SNTG1: variants seen among roughly 807,000 people sequenced by gnomAD.
The protein encoded by SNTG1 is syntrophin gamma 1.
SNTG1 carries 39 observed loss-of-function variants against 74.7 expected under a neutral mutation model. The observed-to-expected ratio is 0.52, with a 90% CI of 0.40 to 0.68. The LOEUF is 0.68. Ranked by LOEUF, SNTG1 falls within the 30% of genes least tolerant of loss-of-function variation. SNTG1 has a pLI of 0.00. For missense variants in SNTG1, 685 were observed against 609.5 expected, an observed-to-expected ratio of 1.12 and a Z score of -1.30; for synonymous variants, 254 against 217.1, an observed-to-expected ratio of 1.17 and a Z score of -1.49.
At chr8:49,975,611 T>C (rs1266192311) in intron 1 of SNTG1, among the ~76,000 whole-genome samples, 1 of 152,130 alleles carries the variant, frequency 6.6e-6, no homozygotes, top group Non-Finnish European at 1.5e-5. Context: ...ACTTGCAAGA[T>C]AGCTCTCCAA....
chr8:49,999,909 T>C (rs541219996), intron 1 of SNTG1, among the ~76,000 whole-genome samples: 3 of 152,296 alleles, frequency 2.0e-5, no homozygotes, highest in East Asian at 1.9e-4. Context: ...TGATTTTTTG[T>C]CCCCTCTATT....
intron 1 of SNTG1, among the ~76,000 whole-genome samples, chr8:49,936,834 A>G (rs1034948159): frequency 6.6e-5 from 10 of 152,212 alleles, no homozygotes; most frequent in Non-Finnish European, 1.5e-4. Context: ...TGATACATGC[A>G]TCAACCTAGA....
chr8:50,049,739 T>C (rs1297435373), intron 1 of SNTG1, among the ~76,000 whole-genome samples: 1 of 151,990 alleles, frequency 6.6e-6, no homozygotes, highest in Non-Finnish European at 1.5e-5. Flanking sequence ...TTTAAAATAA[T>C]AGAAACATAC....
rs1352302803 is a variant in SNTG1, at chr8:50,180,233, A to T, written c.-28+7598A>T. 2.0e-5 allele frequency among the ~76,000 whole-genome samples: 3 copies of T among 152,198 alleles called. 1 individual carries two copies. The highest frequency in any genetic ancestry group is 4.4e-5 in the Non-Finnish European group (3 of 68,038). On this transcript the variant is annotated intron_variant, in intron 2 of 18. Coordinates refer to ENST00000642720, the MANE Select transcript of SNTG1 (RefSeq NM_018967.5). ...ATATGTGGAATCTTAAGTCAAATACACACAAACACAGAGTGCAATGGTAGT... is the reference window on the plus strand; with the variant it reads ...ATATGTGGAATCTTAAGTCAAATACTCACAAACACAGAGTGCAATGGTAGT...
In SNTG1 at chr8:50,585,628, C is replaced by T. The variant is rs529073936; in HGVS notation, c.811-5251C>T. On this transcript the variant is annotated intron_variant, in intron 12 of 18. Coordinates refer to ENST00000642720, the MANE Select transcript of SNTG1 (RefSeq NM_018967.5). ...CATTATTTGGAAATAGTATTACTACCAAGAGTAGAAAATTTTTAAAACTTT... is the reference window on the plus strand; with the variant it reads ...CATTATTTGGAAATAGTATTACTACTAAGAGTAGAAAATTTTTAAAACTTT... Among the ~76,000 whole-genome samples, 75 of 152,018 alleles carry T rather than the reference C, an allele frequency of 4.9e-4. 1 individual carries two copies. Among genetic ancestry groups the T allele is most frequent in the South Asian group, 2.5e-3 (12 of 4,812 alleles).
intron 1 of SNTG1, among the ~76,000 whole-genome samples, chr8:50,115,402 A>G (rs901721278): frequency 4.0e-5 from 6 of 151,688 alleles, no homozygotes; most frequent in Non-Finnish European, 8.8e-5. Context: ...CCCCGTCTCT[A>G]CAAAAATACA....
intron 2 of SNTG1, among the ~76,000 whole-genome samples, chr8:50,331,387 TTTAA>T (rs2090962211): frequency 6.6e-6 from 1 of 152,130 alleles, no homozygotes; most frequent in Admixed American, 6.6e-5. Context: ...CAAAACGATC[TTTAA>T]TTAGTGTTCC....
At chr8:50,378,704 C>G (rs1454412602) in intron 2 of SNTG1, among the ~76,000 whole-genome samples, 1 of 151,820 alleles carries the variant, frequency 6.6e-6, no homozygotes, top group Non-Finnish European at 1.5e-5. Context: ...GTGCTCAGCT[C>G]TCAGCAGAGA....
At chr8:50,657,439 C>T (rs1563703609) in intron 14 of SNTG1, among the ~76,000 whole-genome samples, 1 of 152,048 alleles carries the variant, frequency 6.6e-6, no homozygotes, top group East Asian at 1.9e-4. Context: ...CATGAATGAA[C>T]ATGTTTACTA....
chr8:50,475,246 A>G (rs2093687994), intron 8 of SNTG1, among the ~76,000 whole-genome samples: 1 of 151,446 alleles, frequency 6.6e-6, no homozygotes, highest in Non-Finnish European at 1.5e-5. Context: ...TAATAATAAT[A>G]AAAAAGAGCA....
Position 49,993,204 on chromosome 8 carries a change from C to T in SNTG1, c.-103+80973C>T, listed in dbSNP as rs181216629. Among the ~76,000 whole-genome samples, 133 of 152,190 alleles carry T rather than the reference C, an allele frequency of 8.7e-4. 1 individual carries two copies. The East Asian group carries it at 0.024, about 27-fold the overall frequency. On this transcript the variant is annotated intron_variant, in intron 1 of 18. Coordinates refer to ENST00000642720, the MANE Select transcript of SNTG1 (RefSeq NM_018967.5). ...TTTTCCCACCACATGCATGGGAGTACTGGCAGGTGCAAAGCCCAGAGTGAG... is the reference window on the plus strand; with the variant it reads ...TTTTCCCACCACATGCATGGGAGTATTGGCAGGTGCAAAGCCCAGAGTGAG...
At chr8:50,767,650 A>G (rs1241709071) in intron 18 of SNTG1, among the ~76,000 whole-genome samples, 4 of 151,956 alleles carry the variant, frequency 2.6e-5, no homozygotes, top group Non-Finnish European at 4.4e-5. Flanking sequence ...TGCCACTGAT[A>G]ACTTAAAAGT....
intron 12 of SNTG1, among the ~76,000 whole-genome samples, chr8:50,563,044 G>C (rs1368686261): frequency 2.0e-5 from 3 of 152,274 alleles, no homozygotes; most frequent in African/African-American, 7.2e-5. Context: ...CCAGGAGGGA[G>C]AAGCCACACA....
chr8:49,989,352 C>T (rs959450901), intron 1 of SNTG1, among the ~76,000 whole-genome samples: 1 of 151,692 alleles, frequency 6.6e-6, no homozygotes, highest in South Asian at 2.1e-4. Context: ...AACTTAAATG[C>T]AACGAATTAA....
intron 13 of SNTG1, among the ~76,000 whole-genome samples, chr8:50,640,939 G>T (rs1188181705): frequency 2.0e-5 from 3 of 151,982 alleles, no homozygotes; most frequent in African/African-American, 7.3e-5. Flanking sequence ...TTTCATTTTA[G>T]CGCATTCATC....
At chr8:50,027,381 G>A (rs563050547) in intron 1 of SNTG1, among the ~76,000 whole-genome samples, 9 of 152,238 alleles carry the variant, frequency 5.9e-5, no homozygotes, top group East Asian at 1.9e-4. Context: ...TCTGTACTGC[G>A]TTGAACAATG....
intron 2 of SNTG1, among the ~76,000 whole-genome samples, chr8:50,320,537 G>T (rs1013745820): frequency 2.7e-4 from 40 of 149,448 alleles, no homozygotes; most frequent in Admixed American, 7.3e-4. Context: ...CTTTATTATT[G>T]TTTTTTTTTA....
At chr8:50,274,502 A>T (rs752684794) in intron 2 of SNTG1, among the ~76,000 whole-genome samples, 44 of 152,250 alleles carry the variant, frequency 2.9e-4, no homozygotes, top group Non-Finnish European at 5.1e-4. Context: ...ATAAAAAAAA[A>T]GTTTTTACAT....
At chr8:50,252,576 A>T (rs2086690553) in intron 2 of SNTG1, among the ~76,000 whole-genome samples, 1 of 152,200 alleles carries the variant, frequency 6.6e-6, no homozygotes, top group East Asian at 1.9e-4. Context: ...GAATGCCAGC[A>T]TCTGCTTCTG....
Sources: allele counts gnomAD v4.1 joint callset (sites outside exome capture counted in the v4.1 genomes callset), GRCh38; gene constraint gnomAD v4.1.1; transcripts MANE v1.5; gene names NCBI Gene and HGNC (gene_info 2026-07-23, HGNC 2026-07-21).